The following HHIPL1 variants were observed in gnomAD, a reference collection of about 807,000 sequenced individuals.
HHIPL1 encodes the protein HHIP like 1.
In HHIPL1, 43 loss-of-function variants were observed where a neutral mutation model predicts 61.8. The observed-to-expected ratio is 0.70, with a 90% CI of 0.55 to 0.90. The LOEUF is 0.90. HHIPL1 is among the 40% of genes least tolerant of loss of function. The pLI, the probability that HHIPL1 is intolerant of heterozygous loss-of-function variation, is 0.00. For synonymous variants in HHIPL1, 482 were observed against 515.8 expected, an observed-to-expected ratio of 0.93 and a Z score of 0.89; for missense variants, 1,056 against 1,157.7, an observed-to-expected ratio of 0.91 and a Z score of 1.28.
At chr14:99,621,709 C>CT in the HHIPL1 span, among the ~76,000 whole-genome samples, 16,223 of 84,346 alleles carry the variant, frequency 0.19, 2,712 homozygotes, top group Middle Eastern at 0.24. Context: ...CTTTTCTTTT[C>CT]TTTTTTTTTT....
In HHIPL1 at chr14:99,660,916, C is replaced by G. The variant is rs1384922931; in HGVS notation, c.1502+510C>G. Among the ~76,000 whole-genome samples the G allele has an allele frequency of 6.6e-6, 1 of 152,164 alleles. No individual in the cohort carries two copies. Among genetic ancestry groups the G allele is most frequent in the Non-Finnish European group, 1.5e-5 (1 of 68,030 alleles). On this transcript the variant is annotated intron_variant, in intron 5 of 8. Transcript: ENST00000330710. The surrounding 1 kb of genome is among the most constrained non-coding windows in gnomAD (Gnocchi z 4.9). ...TAAGACCCGAGAGAACAGTGGCTGC[C>G]CATGGGCCTCCTAATGGGGAGAGGA... is the stretch of plus-strand genomic sequence containing the variant.
chr14:99,616,757 C>G, the HHIPL1 span, among the ~76,000 whole-genome samples: 1 of 152,112 alleles, frequency 6.6e-6, no homozygotes, highest in East Asian at 1.9e-4. Flanking sequence ...TTGGACCTCT[C>G]CTTGCGACAA....
At chr14:99,637,251 A>G in the HHIPL1 span, among the ~76,000 whole-genome samples, 4 of 145,362 alleles carry the variant, frequency 2.8e-5, no homozygotes, top group African/African-American at 1.1e-4. Flanking sequence ...AAAGAAAGAA[A>G]GAAAGAAAGA....
At chr14:99,605,345 A>G in the HHIPL1 span, among the ~76,000 whole-genome samples, 2 of 126,480 alleles carry the variant, frequency 1.6e-5, no homozygotes, top group East Asian at 5.0e-4. Context: ...CCCAAAGCGC[A>G]TTTACGGCGC....
chr14:99,616,254 G>T, the HHIPL1 span, among the ~76,000 whole-genome samples: 1 of 152,208 alleles, frequency 6.6e-6, no homozygotes, highest in Non-Finnish European at 1.5e-5. Flanking sequence ...AGACCATCTG[G>T]CCTGGGTGTG....
chr14:99,654,188 CAAAAAA>C lies in HHIPL1; in HGVS notation c.902+1333_902+1338del, dbSNP rs754501639. Among the ~76,000 whole-genome samples the C allele has an allele frequency of 2.7e-3, 241 of 89,992 alleles. 1 individual carries two copies. Among genetic ancestry groups the C allele is most frequent in the Non-Finnish European group, 3.8e-3 (191 of 49,662 alleles). 59.0% of individuals were successfully genotyped at this position (89,992 alleles called of 152,430 possible). On this transcript the variant is annotated intron_variant, in intron 2 of 8. Transcript: ENST00000330710. The stretch of plus-strand genomic sequence containing the variant: ...TGGATGACAGAGCAAGACTCTGTCT[CAAAAAA>C]AAAAAAAAAAAAAAGAAAAAAGAAA...
chr14:99,646,343 C>G (rs562322776), intron 1 of HHIPL1, among the ~76,000 whole-genome samples: 1 of 152,260 alleles, frequency 6.6e-6, no homozygotes, highest in South Asian at 2.1e-4. Flanking sequence ...GGGCCAGGGC[C>G]GTGTCCCAGC....
chr14:99,606,297 G>A, the HHIPL1 span, among the ~76,000 whole-genome samples: 1 of 152,194 alleles, frequency 6.6e-6, no homozygotes, highest in Non-Finnish European at 1.5e-5. Flanking sequence ...GCTCAGTTTG[G>A]GTTTAGAGAG....
chr14:99,606,611 C>A, the HHIPL1 span, among the ~76,000 whole-genome samples: 1 of 152,238 alleles, frequency 6.6e-6, no homozygotes, highest in Non-Finnish European at 1.5e-5. Context: ...GCAGCTTCCG[C>A]TGAACTTCCA....
At chr14:99,637,561 G>C in the HHIPL1 span, among the ~76,000 whole-genome samples, 3 of 150,482 alleles carry the variant, frequency 2.0e-5, no homozygotes, top group Admixed American at 2.0e-4. Flanking sequence ...AATAGAGCAA[G>C]ACTCCGTCTC....
the HHIPL1 span, among the ~76,000 whole-genome samples, chr14:99,605,743 G>T: frequency 6.6e-6 from 1 of 152,384 alleles, no homozygotes; most frequent in Middle Eastern, 3.4e-3. Flanking sequence ...CAGCGGTCAG[G>T]GAGGTGGGGA....
At chr14:99,625,157 G>A in the HHIPL1 span, 1 of 152,224 alleles carries the variant, frequency 6.6e-6, no homozygotes, top group Admixed American at 6.5e-5. Context: ...CCTTCCTGTG[G>A]CTTCGGCTTG....
chr14:99,657,113 C>A lies in HHIPL1; in HGVS notation c.1016C>A (p.Pro339His), dbSNP rs2056060646. 2 of 1,613,156 alleles carry A rather than the reference C, an allele frequency of 1.2e-6. No homozygotes were observed. Among genetic ancestry groups the A allele is most frequent in the Non-Finnish European group, 1.7e-6 (2 of 1,179,708 alleles). ...GGAGATGGCGGGATGGCCGGAGACC[C>A]CTTTGGGACATTTGGAAATGCCCAA... is the stretch of plus-strand genomic sequence containing the variant. ...FTGDGGMAGD[P>H]FGTFGNAQNK... Residue 339 changes from proline (P) to histidine (H), a missense_variant, in exon 3 of 9, where the codon CCC becomes CAC. Transcript: ENST00000330710.
chr14:99,676,259 A>G lies in HHIPL1; in HGVS notation c.*633A>G, dbSNP rs962336222. The G allele has an allele frequency of 2.0e-5, 3 of 152,628 alleles. No individual in the cohort carries two copies. The highest frequency in any genetic ancestry group is 4.4e-5 in the Non-Finnish European group (3 of 68,486). 9.5% of individuals were successfully genotyped at this position (152,628 alleles called of 1,614,324 possible). A position where few individuals can be genotyped will look rare whatever the true frequency, so the allele number is the denominator to read the frequency against. ...ACTGGAGGGGCAGGCTGCGTGGAGG[A>G]GCCAGCACCTGCTCAGGGAGGATGG... On this transcript the variant is annotated 3_prime_UTR_variant, in exon 9 of 9. Transcript: ENST00000330710.
intron 8 of HHIPL1, among the ~76,000 whole-genome samples, chr14:99,673,554 T>G (rs1210061438): frequency 4.8e-5 from 3 of 61,914 alleles, no homozygotes; most frequent in African/African-American, 7.1e-5. Flanking sequence ...CAATAGGGGG[T>G]TGCACTGAGG....
rs1367572411 is a variant in HHIPL1, at chr14:99,645,129, C to A, written c.-79C>A. On this transcript the variant is annotated 5_prime_UTR_variant, in exon 1 of 9. Transcript: ENST00000330710. ...GCGTGTAGGGAAGGGGAGCGCCCGC[C>A]CCTTCCCTGCCGCCGCGAGCGCCCC... 8.3e-7 allele frequency: 1 copy of A among 1,206,972 alleles called. No homozygotes were observed. Among genetic ancestry groups the A allele is most frequent in the Non-Finnish European group, 1.0e-6 (1 of 962,384 alleles). 74.8% of individuals were successfully genotyped at this position (1,206,972 alleles called of 1,614,324 possible). A position where few individuals can be genotyped will look rare whatever the true frequency, so the allele number is the denominator to read the frequency against.
intron 6 of HHIPL1, among the ~76,000 whole-genome samples, chr14:99,663,662 T>G (rs1354809339): frequency 6.6e-6 from 1 of 152,222 alleles, no homozygotes; most frequent in Non-Finnish European, 1.5e-5. Context: ...TTATTTAAGA[T>G]GGAGTTGCTC....
In HHIPL1 at chr14:99,659,557, C is replaced by T. The variant is rs750146233; in HGVS notation, c.1176C>T (p.Gly392=). ...PAAQPEVYAL[G]VRNMWRCSFD... Reference sequence around the variant, plus strand: ...CGCAGCCCGAGGTCTACGCCCTGGGCGTGCGCAACATGTGGCGCTGCTCCT... The same window carrying T: ...CGCAGCCCGAGGTCTACGCCCTGGGTGTGCGCAACATGTGGCGCTGCTCCT... The change falls in exon 4 of 9, where the codon GGC becomes GGT. Residue 392 remains glycine (G), a synonymous_variant. Coordinates refer to ENST00000330710, the MANE Select transcript of HHIPL1 (RefSeq NM_001127258.3). The T allele has an allele frequency of 1.9e-6, 3 of 1,549,852 alleles. No individual in the cohort carries two copies. The highest frequency in any genetic ancestry group is 2.4e-5 in the East Asian group (1 of 41,194).
At chr14:99,674,995 C>T (rs533397272) in intron 8 of HHIPL1, 96 bp from the exon 9 acceptor site, 125 of 611,682 alleles carry the variant, frequency 2.0e-4, no homozygotes, top group African/African-American at 1.9e-3. Flanking sequence ...CCCGAGTCTG[C>T]GCTCTCCGCA....
Sources: allele counts gnomAD v4.1 joint callset (sites outside exome capture counted in the v4.1 genomes callset), GRCh38; gene constraint gnomAD v4.1.1; non-coding constraint Gnocchi (gnomAD v3.1); transcripts MANE v1.5; gene names NCBI Gene and HGNC (gene_info 2026-07-23, HGNC 2026-07-21).